Variants in PCDHA11 observed in about 807,000 individuals in gnomAD.
The protein encoded by PCDHA11 is protocadherin alpha 11.
Under a neutral mutation model 70.3 loss-of-function variants are expected in PCDHA11, and 61 were observed. The ratio of observed to expected loss-of-function variants is 0.87; its 90% CI spans 0.71 to 1.07. The LOEUF (loss-of-function observed/expected upper bound fraction) is 1.07. Among genes scored for constraint, PCDHA11 ranks in the 50% least tolerant of loss-of-function variants. The pLI, the probability that PCDHA11 is intolerant of heterozygous loss-of-function variation, is 0.00. For synonymous variants in PCDHA11, 633 were observed against 555.1 expected (o/e 1.14, Z -1.97); for missense variants, 1,324 against 1,237.5 (o/e 1.07, Z -1.05).
chr5:140,931,414 T>C (rs2087515742), intron 1 of PCDHA11, among the ~76,000 whole-genome samples: 1 of 151,886 alleles, frequency 6.6e-6, no homozygotes, highest in Non-Finnish European at 1.5e-5. Context: ...GGCTGATGAA[T>C]CTAGAAGTTA....
At chr5:140,975,896 T>C (rs1267301126) in intron 1 of PCDHA11, among the ~76,000 whole-genome samples, 1 of 152,202 alleles carries the variant, frequency 6.6e-6, no homozygotes, top group Non-Finnish European at 1.5e-5. Context: ...CATATGGAGT[T>C]TTGTGACCAT....
chr5:141,002,189 C>T (rs1277871243), intron 3 of PCDHA11, among the ~76,000 whole-genome samples: 4 of 152,220 alleles, frequency 2.6e-5, no homozygotes, highest in African/African-American at 9.6e-5. Flanking sequence ...TGCTGTCTGG[C>T]AAGATAGTCC....
chr5:140,928,675 T>C (rs782241604), intron 1 of PCDHA11: 1 of 1,614,210 alleles, frequency 6.2e-7, no homozygotes, highest in South Asian at 1.1e-5. Flanking sequence ...TTCTAATGCC[T>C]GGCTTTCCTA....
intron 1 of PCDHA11, chr5:140,968,903 A>G: frequency 6.2e-7 from 1 of 1,614,216 alleles, no homozygotes; most frequent in Non-Finnish European, 8.5e-7. Context: ...AATAGCATTA[A>G]GCACAGTGTC....
At chr5:140,885,577 A>G (rs1554182197) in intron 1 of PCDHA11, among the ~76,000 whole-genome samples, 1 of 152,172 alleles carries the variant, frequency 6.6e-6, no homozygotes, top group African/African-American at 2.4e-5. Context: ...TCAGATGTGG[A>G]ATTGATGCAT....
chr5:140,991,152 C>A (rs533894396), intron 3 of PCDHA11, among the ~76,000 whole-genome samples: 29 of 152,168 alleles, frequency 1.9e-4, no homozygotes, highest in Non-Finnish European at 3.2e-4. Flanking sequence ...TTTTGCTCAC[C>A]ATTGTATTCC....
chr5:140,946,997 C>A (rs2094069050), intron 1 of PCDHA11, among the ~76,000 whole-genome samples: 1 of 151,382 alleles, frequency 6.6e-6, no homozygotes. Context: ...GTTCTAACTT[C>A]AAAGAAATGA....
At chr5:140,976,586 T>C (rs1029704575) in intron 1 of PCDHA11, among the ~76,000 whole-genome samples, 2 of 151,988 alleles carry the variant, frequency 1.3e-5, no homozygotes, top group Non-Finnish European at 2.9e-5. Flanking sequence ...AAACACAGAC[T>C]TTTGTGTTAA....
chr5:140,877,101 G>A lies in PCDHA11; in HGVS notation c.2391+5607G>A, dbSNP rs375706181. ...TGAGCGCGCGCGACGCCGGCGTGCCGCCTCTGGGCAGCAACGTGACGCTGC... is the reference window on the plus strand; with the variant it reads ...TGAGCGCGCGCGACGCCGGCGTGCCACCTCTGGGCAGCAACGTGACGCTGC... On this transcript the variant is annotated intron_variant, in intron 1 of 3. Transcript: ENST00000398640. 3.3e-5 allele frequency: 53 copies of A among 1,613,354 alleles called. 1 individual carries two copies. The highest frequency in any genetic ancestry group is 4.1e-5 in the Non-Finnish European group (48 of 1,179,850).
intron 3 of PCDHA11, among the ~76,000 whole-genome samples, chr5:140,987,298 G>A (rs2097247103): frequency 6.6e-6 from 1 of 152,086 alleles, no homozygotes; most frequent in South Asian, 2.1e-4. Context: ...AGCCTTCTAT[G>A]TGATACCAAT....
intron 1 of PCDHA11, among the ~76,000 whole-genome samples, chr5:140,913,558 G>C (rs1042223174): frequency 2.6e-5 from 4 of 151,668 alleles, no homozygotes; most frequent in African/African-American, 4.8e-5. Flanking sequence ...TTGATCTCTT[G>C]TATTTTCATC....
intron 3 of PCDHA11, among the ~76,000 whole-genome samples, chr5:140,988,245 G>C (rs17286877): frequency 0.027 from 4,184 of 152,286 alleles, 88 homozygotes; most frequent in Non-Finnish European, 0.043. Flanking sequence ...GAGTGGGGCA[G>C]CTCCCGCCTG....
chr5:140,985,421 G>T (rs1554247049), intron 3 of PCDHA11, among the ~76,000 whole-genome samples: 1 of 152,110 alleles, frequency 6.6e-6, no homozygotes, highest in African/African-American at 2.4e-5. Context: ...GGAGTGAGGA[G>T]GATTTATTAG....
At chr5:140,930,168 C>T (rs2086634095) in intron 1 of PCDHA11, 1 of 152,048 alleles carries the variant, frequency 6.6e-6, no homozygotes, top group Non-Finnish European at 1.5e-5. Context: ...TAATATTTTA[C>T]AAAGAGGAAA....
At chr5:140,906,494 G>C (rs1327823813) in intron 1 of PCDHA11, among the ~76,000 whole-genome samples, 4 of 152,196 alleles carry the variant, frequency 2.6e-5, no homozygotes, top group African/African-American at 9.7e-5. Context: ...GCACAAACAT[G>C]TTTTTAACAA....
At chr5:140,996,968 C>G (rs1290343779) in intron 3 of PCDHA11, among the ~76,000 whole-genome samples, 1 of 152,132 alleles carries the variant, frequency 6.6e-6, no homozygotes, top group Non-Finnish European at 1.5e-5. Context: ...CAATCCCACT[C>G]CCCTTTGGTG....
intron 1 of PCDHA11, chr5:140,875,324 C>T (rs2055413972): frequency 3.5e-6 from 5 of 1,426,162 alleles, no homozygotes; most frequent in East Asian, 5.0e-5. Context: ...CAATCATTCA[C>T]GGAATAGGAT....
chr5:140,929,285 T>C, intron 1 of PCDHA11: 15 of 1,600,688 alleles, frequency 9.4e-6, no homozygotes, highest in Non-Finnish European at 1.3e-5. Flanking sequence ...TGTATTCAGA[T>C]TCGGAATAGG....
chr5:141,001,987 A>C (rs547998020), intron 3 of PCDHA11, among the ~76,000 whole-genome samples: 3 of 152,302 alleles, frequency 2.0e-5, no homozygotes, highest in African/African-American at 7.2e-5. Context: ...AAAGCCTGGA[A>C]GTTCACTTGC....
Sources: gnomAD v4.1 joint callset for allele counts (sites outside exome capture counted in the v4.1 genomes callset) on GRCh38, gnomAD v4.1.1 for gene constraint, MANE v1.5 for transcripts, NCBI Gene and HGNC (gene_info 2026-07-23, HGNC 2026-07-21) for gene names.